Variants in FAM13A observed in about 807,000 individuals in gnomAD.
FAM13A encodes protein FAM13A.
FAM13A carries 76 observed loss-of-function variants against 129.6 expected under a neutral mutation model. The observed-to-expected ratio is 0.59, with a 90% CI of 0.49 to 0.71. The LOEUF is 0.71. Ranked by LOEUF, FAM13A falls within the 30% of genes least tolerant of loss-of-function variation. The pLI, the probability that FAM13A is intolerant of heterozygous loss-of-function variation, is 0.00. For missense variants in FAM13A, 1,108 were observed against 1,249.3 expected (o/e 0.89, Z 1.70); for synonymous variants, 443 against 449.9 (o/e 0.98, Z 0.20).
chr4:88,916,813 G>C (rs1013869258), intron 5 of FAM13A, among the ~76,000 whole-genome samples: 10 of 152,082 alleles, frequency 6.6e-5, no homozygotes, highest in African/African-American at 2.4e-4. Flanking sequence ...TTAATTTCAA[G>C]AGTGTATCAT....
chr4:88,991,096 G>T lies in FAM13A; in HGVS notation c.482C>A (p.Pro161Gln). The T allele has an allele frequency of 6.2e-7, 1 of 1,613,622 alleles. No individual in the cohort carries two copies. Among genetic ancestry groups the T allele is most frequent in the Non-Finnish European group, 8.5e-7 (1 of 1,179,648 alleles). ...CTTGAGGAGGCAGTAGTGGGTGTCT[G>T]GCAGCTCTTTTATTAAGTCTCTTAA... ...SSLRDLIKEL[P>Q]DTHYCLLKYL... Residue 161 changes from proline to glutamine, a missense_variant, in exon 4 of 24, where the codon CCA (proline) becomes CAA (glutamine). Pro to Gln is a moderately conservative substitution (Grantham distance 76). This residue lies in a region of FAM13A where 566 missense variants were observed against 595.7 expected (regional missense o/e 0.95). Transcript: ENST00000264344.
intron 3 of FAM13A, among the ~76,000 whole-genome samples, chr4:89,019,812 C>G (rs972242966): frequency 9.9e-5 from 14 of 141,808 alleles, no homozygotes; most frequent in African/African-American, 3.6e-4. Flanking sequence ...TCACTTAATA[C>G]TACAATCAAA....
intron 4 of FAM13A, among the ~76,000 whole-genome samples, chr4:88,976,196 G>C (rs1760874484): frequency 6.6e-6 from 1 of 152,098 alleles, no homozygotes; most frequent in South Asian, 2.1e-4. Context: ...ATGAATAACT[G>C]GCTGACTTAA....
chr4:88,850,799 C>T (rs976222002), intron 7 of FAM13A, among the ~76,000 whole-genome samples: 1 of 152,146 alleles, frequency 6.6e-6, no homozygotes, highest in African/African-American at 2.4e-5. Flanking sequence ...TTGATTAAAT[C>T]ACTTGTTTTA....
At chr4:89,033,350 G>A (rs1768955851) in intron 1 of FAM13A, among the ~76,000 whole-genome samples, 1 of 152,076 alleles carries the variant, frequency 6.6e-6, no homozygotes, top group Non-Finnish European at 1.5e-5. Context: ...GAAACTCTAG[G>A]AAGGAAGATA....
intron 7 of FAM13A, among the ~76,000 whole-genome samples, chr4:88,826,097 T>G (rs1290879360): frequency 2.0e-5 from 3 of 152,152 alleles, no homozygotes; most frequent in Non-Finnish European, 2.9e-5. Context: ...ATTCATGACC[T>G]CTGTCACTTC....
Sources: gnomAD v4.1 joint callset for allele counts (sites outside exome capture counted in the v4.1 genomes callset) on GRCh38, gnomAD v4.1.1 for gene constraint, gnomAD v4.1.1 regional missense constraint, MANE v1.5 for transcripts, NCBI Gene and HGNC (gene_info 2026-07-23, HGNC 2026-07-21) for gene names.